The following NT5DC2 variants were observed in gnomAD, a reference collection of about 807,000 sequenced individuals.
NT5DC2 encodes the protein 5'-nucleotidase domain containing 2.
Under a neutral mutation model 70.0 loss-of-function variants are expected in NT5DC2, and 41 were observed. The observed-to-expected ratio is 0.59, with a 90% CI of 0.46 to 0.76. The LOEUF (loss-of-function observed/expected upper bound fraction) is 0.76, where lower values mean the gene tolerates loss of function less well. Ranked by LOEUF, NT5DC2 falls within the 30% of genes least tolerant of loss-of-function variation. NT5DC2 has a pLI of 0.00. For synonymous variants in NT5DC2, 299 were observed against 310.4 expected, an observed-to-expected ratio of 0.96 and a Z score of 0.39; for missense variants, 705 against 783.2, an observed-to-expected ratio of 0.90 and a Z score of 1.19.
chr3:52,527,500 A>G (rs2079295127), intron 9 of NT5DC2, 117 bp downstream of exon 9: 1 of 1,450,778 alleles, frequency 6.9e-7, no homozygotes, highest in African/African-American at 1.4e-5. Flanking sequence ...GGGTGTTCTC[A>G]CCCCAAGCAC....
At position 52,524,857 on chromosome 3, in the gene NT5DC2, G is replaced by C; in HGVS notation, c.1372C>G (p.Gln458Glu). Residue 458 changes from glutamine (Q) to glutamate (E), a missense_variant, in exon 13 of 14, where the codon CAG becomes GAG. By Grantham distance (29) the Gln-to-Glu change is conservative (BLOSUM62 2). Coordinates refer to ENST00000422318, the MANE Select transcript of NT5DC2 (RefSeq NM_001134231.2). ...MQTYQDAESRQVLAAWMKERQ... is the reference protein window; with the variant it reads ...MQTYQDAESREVLAAWMKERQ... ...TCTTTCATCCAGGCAGCCAGCACCT[G>C]CCTCGACTCCGCGTCCTGATAGGTC... 6.2e-7 allele frequency: 1 copy of C among 1,612,356 alleles called. No homozygotes were observed. The highest frequency in any genetic ancestry group is 8.5e-7 in the Non-Finnish European group (1 of 1,179,742).
At chr3:52,527,467 C>A in intron 9 of NT5DC2, 92 bp from the exon 10 acceptor site, 2 of 1,482,386 alleles carry the variant, frequency 1.3e-6, no homozygotes, top group Non-Finnish European at 1.9e-6. Flanking sequence ...CCCACCTGCT[C>A]AAGTGGACCC....
At chr3:52,534,724 A>G, upstream of NT5DC2, 1 of 1,543,290 alleles carries the variant, frequency 6.5e-7, no homozygotes, top group Non-Finnish European at 8.8e-7. Flanking sequence ...GAGGAGGCCG[A>G]CCCAGTAGCC....
intron 1 of NT5DC2, 48 bp downstream of exon 1, chr3:52,533,458 G>A: frequency 6.8e-7 from 1 of 1,474,716 alleles, no homozygotes; most frequent in South Asian, 1.2e-5. Context: ...CCGTCCATCA[G>A]TCCACGCGGA....
rs776854124 is a variant in NT5DC2, at chr3:52,525,044, C to T, written c.1266G>A (p.Glu422=). Residue 422 remains glutamate (E), a synonymous_variant, in exon 12 of 14, where the codon GAG becomes GAA. Transcript: ENST00000422318. ...ACTGCTCCGTGTTGATGATGCGGAT[C>T]TCACGCTCCAGCTCGGGGATGATGG... is the stretch of plus-strand genomic sequence containing the variant. ...TGAIIPELER[E]IRIINTEQYM... is the part of the protein sequence containing the mutation. 10 of 1,601,542 alleles carry T rather than the reference C, an allele frequency of 6.2e-6. No individual in the cohort carries two copies. The highest frequency in any genetic ancestry group is 8.5e-6 in the Non-Finnish European group (10 of 1,174,838).
intron 10 of NT5DC2, among the ~76,000 whole-genome samples, chr3:52,527,087 G>GAGTT (rs1157583666): frequency 6.6e-6 from 1 of 152,216 alleles, no homozygotes; most frequent in Non-Finnish European, 1.5e-5. Flanking sequence ...CTGAGTAGTG[G>GAGTT]AGTTAGGAAT....
chr3:52,524,437 G>A lies in NT5DC2; in HGVS notation c.*33C>T. On this transcript the variant is annotated 3_prime_UTR_variant, in exon 14 of 14. Transcript: ENST00000422318. ...TGTCTGGGTGGATGGGGCAGGAGGG[G>A]CTGAGGGCCTGTCCCAGACAATAAA... 3 of 1,611,956 alleles carry A rather than the reference G, an allele frequency of 1.9e-6. No individual in the cohort carries two copies. The highest frequency in any genetic ancestry group is 2.2e-5 in the South Asian group (2 of 91,068).
chr3:52,533,337 C>A (rs1041687235), intron 1 of NT5DC2, among the ~76,000 whole-genome samples, 169 bp downstream of exon 1: 4 of 152,102 alleles, frequency 2.6e-5, no homozygotes, highest in African/African-American at 9.7e-5. Context: ...CAGAGGCCCC[C>A]GGGATGAACG....
Position 52,528,202 on chromosome 3 carries a change from T to C in NT5DC2, c.752A>G (p.His251Arg), listed in dbSNP as rs1305110378. ...LGHSLEFDQAHLYKDVTDAIR... is the reference protein window; with the variant it reads ...LGHSLEFDQARLYKDVTDAIR... ...CCTCACCGTCACGTCCTTGTAGAGA[T>C]GTGCTTGGTCAAACTCCAGGCTGTG... Residue 251 changes from histidine to arginine, a missense_variant, in exon 6 of 14, where the codon CAT (histidine) becomes CGT (arginine). His to Arg is a conservative substitution (Grantham distance 29). Transcript: ENST00000422318. The C allele has an allele frequency of 2.5e-6, 4 of 1,613,116 alleles. No individual in the cohort carries two copies. The South Asian group carries it at 3.3e-5, about 13-fold the overall frequency.
chr3:52,532,456 T>TTA (rs2079373738), intron 1 of NT5DC2: 1 of 985,252 alleles, frequency 1.0e-6, no homozygotes, highest in South Asian at 4.7e-5. Context: ...TCAGGGGCCT[T>TTA]TACCATCCTG....
At position 52,524,636 on chromosome 3, in the gene NT5DC2, G is replaced by C; in HGVS notation, c.1508C>G (p.Ser503Cys). ...GCTGAGGGAGGCCATGTAGAGGTCAGAGAAGCGCACGAGGCGCCTTGAGAA... is the reference window on the plus strand; with the variant it reads ...GCTGAGGGAGGCCATGTAGAGGTCACAGAAGCGCACGAGGCGCCTTGAGAA... ...TYFSRRLVRF[S>C]DLYMASLSCL... is the part of the protein sequence containing the mutation. Residue 503 changes from serine (S) to cysteine (C), a missense_variant, in exon 14 of 14, where the codon TCT becomes TGT. Physicochemically the swap from Ser to Cys is moderately radical, Grantham distance 112. Transcript: ENST00000422318. 1.2e-6 allele frequency: 2 copies of C among 1,613,172 alleles called. No homozygotes were observed. The highest frequency in any genetic ancestry group is 1.7e-6 in the Non-Finnish European group (2 of 1,180,036).
chr3:52,525,176 TC>T, intron 11 of NT5DC2, 32 bp downstream of exon 11: 1 of 1,565,074 alleles, frequency 6.4e-7, no homozygotes, highest in Non-Finnish European at 8.7e-7. Flanking sequence ...TTCCTGGCCC[TC>T]CCCCACTGCA....
chr3:52,533,101 GCC>G (rs1039504759), intron 1 of NT5DC2, among the ~76,000 whole-genome samples: 2 of 152,188 alleles, frequency 1.3e-5, no homozygotes, highest in African/African-American at 4.8e-5. Context: ...AGCCCGTTCC[GCC>G]CGGCGCCGCT....
chr3:52,531,339 C>T lies in NT5DC2; in HGVS notation c.233-2005G>A, dbSNP rs929521006. On this transcript the variant is annotated intron_variant, in intron 1 of 13. Transcript: ENST00000422318. This position sits in a 1 kb window ranked among gnomAD's most constrained non-coding sequence, Gnocchi z 4.1. Reference sequence around the variant, plus strand: ...TGCTTCTGAGCCACCCCTCAAGGCCCAGGGTTCTGGTGTGTCACTAGGACC... The same window carrying T: ...TGCTTCTGAGCCACCCCTCAAGGCCTAGGGTTCTGGTGTGTCACTAGGACC... Among the ~76,000 whole-genome samples the T allele has an allele frequency of 2.6e-5, 4 of 152,172 alleles. No homozygotes were observed. Among genetic ancestry groups the T allele is most frequent in the African/African-American group, 4.8e-5 (2 of 41,448 alleles).
In NT5DC2 at chr3:52,528,243, C is replaced by T. The variant is rs2079308497; in HGVS notation, c.711G>A (p.Val237=). 5 of 1,613,318 alleles carry T rather than the reference C, an allele frequency of 3.1e-6. No individual in the cohort carries two copies. The South Asian group carries it at 3.3e-5, about 11-fold the overall frequency. The change falls in exon 6 of 14, where the codon GTG becomes GTA. Residue 237 remains valine, a synonymous_variant. Transcript: ENST00000422318. ...LPEMALLSCV[V]DYFLGHSLEF... is the part of the protein sequence containing the mutation. ...CCAGGCTGTGGCCCAGAAAGTAGTC[C>T]ACCACACAGGACAGCAGAGCCATCT...
chr3:52,534,303 G>A (rs1333241530), upstream of NT5DC2: 6 of 651,718 alleles, frequency 9.2e-6, 1 homozygote, highest in South Asian at 8.8e-5. Flanking sequence ...CCGGTCTCTG[G>A]GCTCGGACTG....
At position 52,528,662 on chromosome 3, in the gene NT5DC2, A is replaced by G. The variant is rs1397524678; in HGVS notation, c.523T>C (p.Tyr175His). The change falls in exon 4 of 14, where the codon TAC becomes CAC. Residue 175 changes from tyrosine to histidine, a missense_variant. Coordinates refer to ENST00000422318, the MANE Select transcript of NT5DC2 (RefSeq NM_001134231.2). The part of the protein sequence containing the change: ...SLLMKIDAFH[Y>H]VQLGTAYRGL... ...CTGTAGGCTGTCCCCAGCTGCACGT[A>G]GTGGAAGGCGTCAATCTTCATCAGA... 1.3e-6 allele frequency: 2 copies of G among 1,590,678 alleles called. No individual in the cohort carries two copies. Among genetic ancestry groups the G allele is most frequent in the African/African-American group, 2.7e-5 (2 of 74,498 alleles).
Position 52,529,062 on chromosome 3 carries a change from C to T in NT5DC2, c.417+88G>A. ...TGCCAGGCAAGAGGGCCAGGGGAGC[C>T]CCACGACTCAGCCCTGAGCTTAGGC... is the stretch of plus-strand genomic sequence containing the variant. On this transcript the variant is annotated intron_variant, in intron 2 of 13. Coordinates refer to ENST00000422318, the MANE Select transcript of NT5DC2 (RefSeq NM_001134231.2). This position sits in a 1 kb window ranked among gnomAD's most constrained non-coding sequence, Gnocchi z 4.1. 1.3e-6 allele frequency: 2 copies of T among 1,592,138 alleles called. No homozygotes were observed. The highest frequency in any genetic ancestry group is 1.7e-6 in the Non-Finnish European group (2 of 1,162,688).
rs2079356119 is a variant in NT5DC2 at position 52,531,298 on chromosome 3, C to T, written c.233-1964G>A. Among the ~76,000 whole-genome samples the T allele has an allele frequency of 6.6e-6, 1 of 152,184 alleles. No individual in the cohort carries two copies. Among genetic ancestry groups the T allele is most frequent in the African/African-American group, 2.4e-5 (1 of 41,454 alleles). Reference sequence around the variant, plus strand: ...TGGATGCAAGTGAGACAGTTGACTGCAACGCTCTAGGGAGCTGCTTCTGAG... The same window carrying T: ...TGGATGCAAGTGAGACAGTTGACTGTAACGCTCTAGGGAGCTGCTTCTGAG... On this transcript the variant is annotated intron_variant, in intron 1 of 13. Coordinates refer to ENST00000422318, the MANE Select transcript of NT5DC2 (RefSeq NM_001134231.2). This position sits in a 1 kb window ranked among gnomAD's most constrained non-coding sequence, Gnocchi z 4.1.
Sources: allele counts gnomAD v4.1 joint callset (sites outside exome capture counted in the v4.1 genomes callset), GRCh38; gene constraint gnomAD v4.1.1; non-coding constraint Gnocchi (gnomAD v3.1); transcripts MANE v1.5; gene names NCBI Gene and HGNC (gene_info 2026-07-23, HGNC 2026-07-21).